PLA2G4D: variants seen among roughly 807,000 people sequenced by gnomAD.
PLA2G4D encodes cytosolic phospholipase A2 delta.
A neutral mutation model predicts 94.4 loss-of-function variants in PLA2G4D; 80 were observed. That is an observed-to-expected ratio of 0.85 (90% CI 0.71 to 1.02). The LOEUF is 1.02. Ranked by LOEUF, PLA2G4D falls within the 50% of genes least tolerant of loss-of-function variation. PLA2G4D has a pLI of 0.00. For missense variants in PLA2G4D, 1,050 were observed against 1,034.7 expected, an observed-to-expected ratio of 1.01 and a Z score of -0.20; for synonymous variants, 438 against 440.9, an observed-to-expected ratio of 0.99 and a Z score of 0.08.
intron 19 of PLA2G4D, 30 bp from the exon 20 acceptor site, chr15:42,068,971 C>A (rs1172001836): frequency 6.3e-7 from 1 of 1,583,240 alleles, no homozygotes; most frequent in East Asian, 2.3e-5. Context: ...GTGTCAGGAG[C>A]AGGACGCCGG....
chr15:42,069,724 G>A (rs1260893714), intron 19 of PLA2G4D, among the ~76,000 whole-genome samples, 185 bp downstream of exon 19: 1 of 152,198 alleles, frequency 6.6e-6, no homozygotes, highest in Non-Finnish European at 1.5e-5. Flanking sequence ...CAGAGGGCCT[G>A]CAGGGATGTG....
chr15:42,085,175 T>G (rs375834290), intron 5 of PLA2G4D, 37 bp from the exon 6 acceptor site: 42 of 1,613,204 alleles, frequency 2.6e-5, no homozygotes, highest in Non-Finnish European at 3.5e-5. Context: ...AAACGCTTCC[T>G]GCATTGACCT....
rs1434639034 is a variant in PLA2G4D, at chr15:42,072,388, A to G, written c.1322T>C (p.Met441Thr). ...VLESMLHGQV[M>T]DQKLSGQRAA... ...TCTCTGTCCTGACAGCTTCTGATCC[A>G]TCACCTGGGGCCAGAGGGCATCAGG... is the stretch of plus-strand genomic sequence containing the variant. The change falls in exon 14 of 20, where the codon ATG becomes ACG. Residue 441 changes from methionine to threonine, a missense_variant. Met to Thr is a moderately conservative substitution (Grantham distance 81, BLOSUM62 -1). Transcript: ENST00000290472. The G allele has an allele frequency of 1.9e-6, 3 of 1,612,356 alleles. No individual in the cohort carries two copies. The East Asian group carries it at 6.7e-5, about 36-fold the overall frequency.
chr15:42,079,869 G>A, intron 12 of PLA2G4D, 110 bp from the exon 13 acceptor site: 1 of 1,022,538 alleles, frequency 9.8e-7, no homozygotes, highest in Non-Finnish European at 1.4e-6. Flanking sequence ...CTGCCACCAA[G>A]GCTCTGCCGA....
chr15:42,088,480 T>C (rs1035646082), intron 1 of PLA2G4D, among the ~76,000 whole-genome samples: 2 of 151,974 alleles, frequency 1.3e-5, no homozygotes, highest in East Asian at 3.9e-4. Flanking sequence ...ACTGGGGGTG[T>C]CCCCACACCC....
At chr15:42,069,851 C>A in intron 19 of PLA2G4D, 58 bp downstream of exon 19, 1 of 1,311,084 alleles carries the variant, frequency 7.6e-7, no homozygotes, top group Non-Finnish European at 1.0e-6. Context: ...AGCCGGGGGG[C>A]CCAGGGCAGG....
intron 1 of PLA2G4D, 49 bp downstream of exon 1, chr15:42,094,366 C>A (rs1453535152): frequency 6.2e-7 from 1 of 1,608,572 alleles, no homozygotes; most frequent in African/African-American, 1.3e-5. Context: ...TGCACCCTGG[C>A]TCCAGGCCTG....
intron 13 of PLA2G4D, among the ~76,000 whole-genome samples, chr15:42,073,179 T>C (rs1297433005): frequency 5.3e-5 from 8 of 152,140 alleles, no homozygotes; most frequent in Admixed American, 6.5e-5. Context: ...TTGCATGTTT[T>C]GTAGAGATGG....
In PLA2G4D at chr15:42,081,054, T is replaced by C; in HGVS notation, c.1037A>G (p.Gln346Arg). ...TSLYGHLLAL[Q>R]KLGLLDCVTY... is the part of the protein sequence containing the mutation. ...CACACAGTCTAGGAGGCCCAGCTTC[T>C]GCAAGGCCAATAGGTGGCCGTAGAG... The change falls in exon 12 of 20, where the codon CAG (glutamine) becomes CGG (arginine). Residue 346 changes from glutamine (Q) to arginine (R), a missense_variant. Coordinates refer to ENST00000290472, the MANE Select transcript of PLA2G4D (RefSeq NM_178034.4). 2.5e-6 allele frequency: 4 copies of C among 1,614,166 alleles called. No individual in the cohort carries two copies. The highest frequency in any genetic ancestry group is 3.4e-6 in the Non-Finnish European group (4 of 1,180,028).
Position 42,081,605 on chromosome 15 carries a change from C to T in PLA2G4D, c.831G>A (p.Glu277=), listed in dbSNP as rs1295934283. Residue 277 remains glutamate (E), a synonymous_variant, in exon 11 of 20, where the codon GAG becomes GAA. Coordinates refer to ENST00000290472, the MANE Select transcript of PLA2G4D (RefSeq NM_178034.4). ...LQLKAEGCPE[E]LAVHLGFNLC... The stretch of plus-strand genomic sequence containing the variant: ...GATTGAAGCCCAGGTGCACGGCCAG[C>T]TCCTCAGGGCTGTGGCAATGGAGGA... 6.2e-7 allele frequency: 1 copy of T among 1,614,082 alleles called. No individual in the cohort carries two copies. Among genetic ancestry groups the T allele is most frequent in the South Asian group, 1.1e-5 (1 of 91,072 alleles).
chr15:42,071,622 T>C, intron 15 of PLA2G4D, 71 bp from the exon 16 acceptor site: 1 of 1,521,588 alleles, frequency 6.6e-7, no homozygotes, highest in Non-Finnish European at 9.0e-7. Context: ...TGATGGAAAA[T>C]GGGAGTGGGG....
intron 13 of PLA2G4D, among the ~76,000 whole-genome samples, chr15:42,079,258 T>C (rs527430801): frequency 1.3e-5 from 2 of 152,380 alleles, no homozygotes; most frequent in East Asian, 1.9e-4. Flanking sequence ...AAAACGGTTC[T>C]AGCAATCTTA....
In PLA2G4D at chr15:42,067,810, A is replaced by G. The variant is rs1360458705; in HGVS notation, c.*905T>C. On this transcript the variant is annotated 3_prime_UTR_variant, in exon 20 of 20. Transcript: ENST00000290472. The stretch of plus-strand genomic sequence containing the variant: ...ACTAGAAATAAAAGAGAACTTTCTC[A>G]ACCTGATAAGGATGTCCAAGAAAAA... The G allele has an allele frequency of 6.6e-6, 1 of 152,276 alleles. No homozygotes were observed. Among genetic ancestry groups the G allele is most frequent in the African/African-American group, 2.4e-5 (1 of 41,466 alleles). 9.4% of individuals were successfully genotyped at this position (152,276 alleles called of 1,614,324 possible).
chr15:42,086,194 T>TTGGGGGGGGGGGGGGGGCC lies in PLA2G4D; in HGVS notation c.387+18_387+19insGGCCCCCCCCCCCCCCCCA. On this transcript the variant is annotated intron_variant, in intron 4 of 19. Transcript: ENST00000290472. ...GGAAGAAGTGGGGCCCACGGGGACT[T>TTGGGGGGGGGGGGGGGGCC]CCCCACCCACCCACCCACCTGGGGA... 12 of 1,370,432 alleles carry TTGGGGGGGGGGGGGGGGCC rather than the reference T, an allele frequency of 8.8e-6. No individual in the cohort carries two copies. The highest frequency in any genetic ancestry group is 2.8e-4 in the Middle Eastern group (1 of 3,592). The allele number at this position is 1,370,432 out of a possible 1,614,324, so 84.9% of individuals were successfully genotyped here.
chr15:42,071,966 C>T, intron 14 of PLA2G4D, 55 bp from the exon 15 acceptor site: 1 of 1,588,356 alleles, frequency 6.3e-7, no homozygotes, highest in South Asian at 1.1e-5. Context: ...TGCGGGAGTC[C>T]CCAGCTCTGG....
At position 42,070,706 on chromosome 15, in the gene PLA2G4D, G is replaced by T; in HGVS notation, c.2043+11C>A. 1 of 1,551,630 alleles carries T rather than the reference G, an allele frequency of 6.4e-7. No homozygotes were observed. Among genetic ancestry groups the T allele is most frequent in the South Asian group, 1.2e-5 (1 of 83,966 alleles). ...CTGGGCAGAGGGGTTCCCCTGGGGT[G>T]ACCAGGGTACCTCGAAGGGCGCAGA... is the stretch of plus-strand genomic sequence containing the variant. On this transcript the variant is annotated intron_variant, in intron 18 of 19. Coordinates refer to ENST00000290472, the MANE Select transcript of PLA2G4D (RefSeq NM_178034.4).
At position 42,084,679 on chromosome 15, in the gene PLA2G4D, G is replaced by A. The variant is rs1254831046; in HGVS notation, c.471+417C>T. 6.6e-6 allele frequency among the ~76,000 whole-genome samples: 1 copy of A among 152,156 alleles called. No individual in the cohort carries two copies. The highest frequency in any genetic ancestry group is 1.5e-5 in the Non-Finnish European group (1 of 68,026). On this transcript the variant is annotated intron_variant, in intron 6 of 19. Transcript: ENST00000290472. This position sits in a 1 kb window ranked among gnomAD's most constrained non-coding sequence, Gnocchi z 4.8. ...CCTGAGCCTCTGATCCTCCTAGGTT[G>A]GCAGTACACCGCCCTGGGAACTCCC...
At position 42,069,943 on chromosome 15, in the gene PLA2G4D, C is replaced by T. The variant is rs769905025; in HGVS notation, c.2196G>A (p.Leu732=). 15 of 1,447,660 alleles carry T rather than the reference C, an allele frequency of 1.0e-5. No homozygotes were observed. The South Asian group carries it at 2.2e-4, about 21-fold the overall frequency. 89.7% of individuals were successfully genotyped at this position (1,447,660 alleles called of 1,614,324 possible). A position where few individuals can be genotyped will look rare whatever the true frequency, so the allele number is the denominator to read the frequency against. Residue 732 remains leucine (L), a synonymous_variant, in exon 19 of 20, where the codon CTG becomes CTA. Coordinates refer to ENST00000290472, the MANE Select transcript of PLA2G4D (RefSeq NM_178034.4). ...AGTGGTCCTTGAAGGAGGCATTGACCAGCGGGAAGTGCAGCAGGATCGGGG... is the reference window on the plus strand; with the variant it reads ...AGTGGTCCTTGAAGGAGGCATTGACTAGCGGGAAGTGCAGCAGGATCGGGG... ...PEAPILLHFP[L]VNASFKDHSA...
At chr15:42,082,175 G>A (rs1017101332) in intron 9 of PLA2G4D, 104 bp downstream of exon 9, 16 of 959,770 alleles carry the variant, frequency 1.7e-5, no homozygotes, top group Admixed American at 4.6e-5. Flanking sequence ...CAGGTGATCC[G>A]CCTGCCTTGG....
Sources: gnomAD v4.1 joint callset for allele counts (sites outside exome capture counted in the v4.1 genomes callset) on GRCh38, gnomAD v4.1.1 for gene constraint, Gnocchi (gnomAD v3.1) non-coding constraint, MANE v1.5 for transcripts, NCBI Gene and HGNC (gene_info 2026-07-23, HGNC 2026-07-21) for gene names.